SNX24: variants seen among roughly 807,000 people sequenced by gnomAD.
SNX24 encodes the protein sorting nexin 24, also known as sorting nexin-24.
A neutral mutation model predicts 28.7 loss-of-function variants in SNX24; 22 were observed. That is an observed-to-expected ratio of 0.77 (90% CI 0.55 to 1.10). The LOEUF (loss-of-function observed/expected upper bound fraction) is 1.10. Ranked by LOEUF, SNX24 falls within the 50% of genes least tolerant of loss-of-function variation. The probability of loss-of-function intolerance (pLI) is 0.00; values close to 1 mark genes in which losing one functional copy is unlikely to be tolerated. For synonymous variants in SNX24, 69 were observed against 71.5 expected (o/e 0.96, Z 0.18); for missense variants, 221 against 201.1 (o/e 1.10, Z -0.60).
At chr5:123,013,593 C>A (rs889814692), downstream of SNX24, among the ~76,000 whole-genome samples, 1 of 152,234 alleles carries the variant, frequency 6.6e-6, no homozygotes, top group Middle Eastern at 3.4e-3. Context: ...GGAAGGAGGG[C>A]ATATTATCTA....
intron 2 of SNX24, among the ~76,000 whole-genome samples, chr5:122,938,331 C>T (rs1759271822): frequency 6.6e-6 from 1 of 152,140 alleles, no homozygotes; most frequent in African/African-American, 2.4e-5. Context: ...CCTAGATTTT[C>T]CAGGATTCTC....
intron 1 of SNX24, among the ~76,000 whole-genome samples, chr5:122,872,370 G>A (rs902016167): frequency 6.6e-6 from 1 of 152,030 alleles, no homozygotes; most frequent in Admixed American, 6.6e-5. Flanking sequence ...TAGGCTCCTA[G>A]TGGTATTCTC....
At chr5:122,943,931 C>A (rs1759570917) in intron 2 of SNX24, among the ~76,000 whole-genome samples, 1 of 152,140 alleles carries the variant, frequency 6.6e-6, no homozygotes, top group South Asian at 2.1e-4. Flanking sequence ...TATTCTGACT[C>A]CCACATTTAC....
At chr5:122,900,974 G>C (rs1285276476) in intron 1 of SNX24, among the ~76,000 whole-genome samples, 1 of 152,068 alleles carries the variant, frequency 6.6e-6, no homozygotes, top group East Asian at 1.9e-4. Context: ...GTCGAGGCAG[G>C]TGGATCACTT....
chr5:122,855,100 C>G (rs998409282), intron 1 of SNX24, among the ~76,000 whole-genome samples: 6 of 151,064 alleles, frequency 4.0e-5, no homozygotes, highest in African/African-American at 1.5e-4. Flanking sequence ...GAGGCAGAGT[C>G]TCGCTCTGTT....
chr5:122,897,407 A>T (rs1337453118), intron 1 of SNX24, among the ~76,000 whole-genome samples: 1 of 152,116 alleles, frequency 6.6e-6, no homozygotes, highest in Non-Finnish European at 1.5e-5. Context: ...ATGAGCCCTT[A>T]TGTATATATG....
intron 5 of SNX24, chr5:123,023,905 C>T: frequency 6.2e-7 from 1 of 1,613,574 alleles, no homozygotes. Flanking sequence ...CCACAAAAGG[C>T]GTTTTCACGT....
chr5:122,866,022 A>G (rs1055169314), intron 1 of SNX24, among the ~76,000 whole-genome samples: 2 of 152,232 alleles, frequency 1.3e-5, no homozygotes, highest in Non-Finnish European at 2.9e-5. Context: ...GGGTTAAGAG[A>G]GAAGAAAACA....
chr5:122,956,788 A>T (rs1760235785), intron 3 of SNX24, among the ~76,000 whole-genome samples: 1 of 151,858 alleles, frequency 6.6e-6, no homozygotes. Flanking sequence ...ATGATCGCTG[A>T]TGTTGAGCAT....
intron 1 of SNX24, among the ~76,000 whole-genome samples, chr5:122,863,898 G>T (rs183919393): frequency 6.7e-6 from 1 of 150,306 alleles, no homozygotes; most frequent in Non-Finnish European, 1.5e-5. Context: ...GAGGAGCGAC[G>T]TGATTCAGTG....
intron 3 of SNX24, among the ~76,000 whole-genome samples, chr5:122,988,824 G>A (rs1191987011): frequency 6.6e-6 from 1 of 152,048 alleles, no homozygotes; most frequent in Non-Finnish European, 1.5e-5. Flanking sequence ...GCTGAGTTAG[G>A]TTTACAAACT....
At chr5:123,002,843 G>T (rs1203628920) in intron 6 of SNX24, among the ~76,000 whole-genome samples, 1 of 152,134 alleles carries the variant, frequency 6.6e-6, no homozygotes, top group Admixed American at 6.5e-5. Flanking sequence ...ATCTCTTTAT[G>T]AGCTCATTTG....
At chr5:122,940,035 G>T (rs181947718) in intron 2 of SNX24, among the ~76,000 whole-genome samples, 1 of 151,480 alleles carries the variant, frequency 6.6e-6, no homozygotes, top group Admixed American at 6.6e-5. Flanking sequence ...TTTTGCCCAG[G>T]CTGGAATGAA....
chr5:122,967,277 G>A lies in SNX24; in HGVS notation c.249+21118G>A, dbSNP rs184682992. 5.2e-3 allele frequency among the ~76,000 whole-genome samples: 788 copies of A among 152,212 alleles called. 5 individuals are homozygous for A. Among genetic ancestry groups the A allele is most frequent in the Non-Finnish European group, 7.4e-3 (502 of 68,006 alleles). On this transcript the variant is annotated intron_variant, in intron 3 of 6. Transcript: ENST00000261369. ...GCAGCAGCATCTGGTATTGGAAGTC[G>A]GTCTGCCTAAATATGAGCTATTTTG...
At chr5:122,943,781 C>A (rs1031827341) in intron 2 of SNX24, among the ~76,000 whole-genome samples, 2 of 152,200 alleles carry the variant, frequency 1.3e-5, no homozygotes, top group Admixed American at 6.5e-5. Flanking sequence ...AGGTCCCACT[C>A]ATGCTCAAGA....
downstream of SNX24, among the ~76,000 whole-genome samples, chr5:123,013,017 T>A (rs1181538602): frequency 6.6e-6 from 1 of 152,222 alleles, no homozygotes; most frequent in African/African-American, 2.4e-5. Flanking sequence ...ATTTATTGAC[T>A]TTCATAACTC....
intron 3 of SNX24, among the ~76,000 whole-genome samples, chr5:122,948,189 C>T (rs1435906567): frequency 6.6e-6 from 1 of 152,148 alleles, no homozygotes; most frequent in Non-Finnish European, 1.5e-5. Flanking sequence ...TAAGCCTGAA[C>T]ACTTAATCTT....
At chr5:122,966,248 G>C (rs1459409841) in intron 3 of SNX24, among the ~76,000 whole-genome samples, 4 of 152,192 alleles carry the variant, frequency 2.6e-5, no homozygotes. Context: ...GTCTAGACTA[G>C]GCAGAAGTTA....
At chr5:122,986,407 T>C (rs1761606282) in intron 3 of SNX24, among the ~76,000 whole-genome samples, 2 of 152,074 alleles carry the variant, frequency 1.3e-5, no homozygotes, top group Non-Finnish European at 2.9e-5. Context: ...TCCCAACATT[T>C]TGAGTTCAGA....
Sources: allele counts gnomAD v4.1 joint callset (sites outside exome capture counted in the v4.1 genomes callset), GRCh38; gene constraint gnomAD v4.1.1; transcripts MANE v1.5; gene names NCBI Gene and HGNC (gene_info 2026-07-23, HGNC 2026-07-21).